Variants in DIP2B observed in about 807,000 individuals in gnomAD.
DIP2B encodes disco-interacting protein 2 homolog B.
DIP2B carries 76 observed loss-of-function variants against 198.0 expected under a neutral mutation model. That is an observed-to-expected ratio of 0.38 (90% CI 0.32 to 0.46). DIP2B has a LOEUF of 0.46. DIP2B is among the 20% of genes least tolerant of loss of function. The pLI, the probability that DIP2B is intolerant of heterozygous loss-of-function variation, is 0.99. For missense variants in DIP2B, 1,559 were observed against 1,978.4 expected, an observed-to-expected ratio of 0.79 and a Z score of 4.02; for synonymous variants, 701 against 739.1, an observed-to-expected ratio of 0.95 and a Z score of 0.84.
At position 50,737,071 on chromosome 12, in the gene DIP2B, TGA is replaced by T; in HGVS notation, c.4140_4141del (p.Glu1380AspfsTer29). 2 of 1,614,148 alleles carry T rather than the reference TGA, an allele frequency of 1.2e-6. No homozygotes were observed. Among genetic ancestry groups the T allele is most frequent in the Non-Finnish European group, 1.7e-6 (2 of 1,180,000 alleles). On this transcript the variant is annotated frameshift_variant, in exon 35 of 38. Transcript: ENST00000301180. LOFTEE classifies it high-confidence loss of function. The part of the protein sequence containing the change: ...PGVKVVIVNP[E>X]TKGPVGDSHL... ...GAGTGAAAGTGGTTATTGTTAATCC[TGA>T]GACCAAAGGGCCGGTTGGAGACTCT... is the stretch of plus-strand genomic sequence containing the variant.
intron 1 of DIP2B, among the ~76,000 whole-genome samples, chr12:50,572,791 T>G (rs1186223782): frequency 6.6e-6 from 1 of 152,210 alleles, no homozygotes; most frequent in Non-Finnish European, 1.5e-5. Context: ...AACATTTTGG[T>G]GTCTCAGTGC....
intron 5 of DIP2B, among the ~76,000 whole-genome samples, chr12:50,671,993 T>G (rs1056174139): frequency 6.6e-5 from 10 of 152,182 alleles, no homozygotes; most frequent in African/African-American, 1.9e-4. Context: ...GTGTGTGTGT[T>G]TTTTTAAAGA....
intron 10 of DIP2B, among the ~76,000 whole-genome samples, chr12:50,685,118 C>G (rs1165539135): frequency 2.6e-5 from 4 of 152,028 alleles, no homozygotes; most frequent in African/African-American, 9.7e-5. Flanking sequence ...AAAAGCATTT[C>G]TGAAAGGAAT....
intron 3 of DIP2B, among the ~76,000 whole-genome samples, chr12:50,646,965 A>G (rs1001696324): frequency 1.3e-5 from 2 of 148,874 alleles, no homozygotes; most frequent in African/African-American, 2.5e-5. Flanking sequence ...TAGACTTCCT[A>G]TATTTTGAGA....
intron 1 of DIP2B, among the ~76,000 whole-genome samples, chr12:50,531,946 T>TA (rs1298806209): frequency 6.6e-6 from 1 of 152,172 alleles, no homozygotes; most frequent in African/African-American, 2.4e-5. Flanking sequence ...TTGAGTGTGT[T>TA]CATTTGTTGG....
chr12:50,691,369 A>G (rs928335209), intron 13 of DIP2B, among the ~76,000 whole-genome samples: 1 of 152,198 alleles, frequency 6.6e-6, no homozygotes, highest in African/African-American at 2.4e-5. Flanking sequence ...CATAATTTCT[A>G]GAGTACAGCA....
chr12:50,718,568 C>T (rs1229232218), intron 23 of DIP2B, 141 bp from the exon 24 acceptor site: 36 of 690,136 alleles, frequency 5.2e-5, no homozygotes, highest in Admixed American at 8.1e-5. Context: ...CTATTTGCTC[C>T]TGGGTTCCCA....
intron 27 of DIP2B, 62 bp from the exon 28 acceptor site, chr12:50,724,713 G>A: frequency 2.1e-6 from 3 of 1,461,768 alleles, no homozygotes; most frequent in South Asian, 1.1e-5. Context: ...AGCAGCCAGG[G>A]CCTGTGGTGC....
chr12:50,574,547 T>C (rs35173156), intron 1 of DIP2B, among the ~76,000 whole-genome samples: 18,078 of 149,480 alleles, frequency 0.12, 1,442 homozygotes, highest in Non-Finnish European at 0.18. Context: ...CTTATGCGTA[T>C]GAGGAAGAAG....
chr12:50,608,137 G>C (rs1338679075), intron 1 of DIP2B, among the ~76,000 whole-genome samples: 1 of 152,096 alleles, frequency 6.6e-6, no homozygotes, highest in Non-Finnish European at 1.5e-5. Flanking sequence ...TCAACAATTA[G>C]CAAATTAGTA....
chr12:50,575,231 A>G (rs1958648631), intron 1 of DIP2B, among the ~76,000 whole-genome samples: 1 of 152,072 alleles, frequency 6.6e-6, no homozygotes, highest in African/African-American at 2.4e-5. Flanking sequence ...TAGCAGTTCC[A>G]TCTGGGCTGT....
At chr12:50,583,504 T>C (rs1418562269) in intron 1 of DIP2B, among the ~76,000 whole-genome samples, 1 of 152,164 alleles carries the variant, frequency 6.6e-6, no homozygotes, top group Non-Finnish European at 1.5e-5. Context: ...TCCCGGAGCA[T>C]CCCTATTGAT....
At chr12:50,528,843 G>C (rs1026664761) in intron 1 of DIP2B, among the ~76,000 whole-genome samples, 1 of 152,132 alleles carries the variant, frequency 6.6e-6, no homozygotes, top group Admixed American at 6.6e-5. Context: ...AAGAGAGAAT[G>C]ATCAAATATT....
At chr12:50,646,840 A>C (rs1015601517) in intron 3 of DIP2B, among the ~76,000 whole-genome samples, 4 of 152,114 alleles carry the variant, frequency 2.6e-5, no homozygotes, top group Non-Finnish European at 5.9e-5. Flanking sequence ...TGTCTGTCCA[A>C]ATCTAATCTC....
intron 1 of DIP2B, among the ~76,000 whole-genome samples, chr12:50,603,163 C>CAA (rs749993395): frequency 5.6e-5 from 7 of 124,490 alleles, no homozygotes; most frequent in Admixed American, 1.6e-4. Flanking sequence ...GACTCTGTCT[C>CAA]AAAAAAAAAA....
At chr12:50,530,633 G>A (rs958724828) in intron 1 of DIP2B, among the ~76,000 whole-genome samples, 4 of 152,188 alleles carry the variant, frequency 2.6e-5, no homozygotes, top group Non-Finnish European at 5.9e-5. Flanking sequence ...CTACTGAAAT[G>A]AGCTGTCTCT....
chr12:50,614,054 C>A (rs1188910968), intron 1 of DIP2B, among the ~76,000 whole-genome samples: 1 of 152,198 alleles, frequency 6.6e-6, no homozygotes, highest in African/African-American at 2.4e-5. Flanking sequence ...TACCCCATAT[C>A]TCTTTCCCTT....
chr12:50,520,619 AC>A (rs761297262), intron 1 of DIP2B, among the ~76,000 whole-genome samples: 4 of 152,200 alleles, frequency 2.6e-5, no homozygotes, highest in Non-Finnish European at 4.4e-5. Flanking sequence ...TGTTAAAAAA[AC>A]AACTTCTCCA....
At chr12:50,634,841 A>G (rs889175701) in intron 2 of DIP2B, among the ~76,000 whole-genome samples, 4 of 152,232 alleles carry the variant, frequency 2.6e-5, no homozygotes, top group Non-Finnish European at 1.5e-5. Context: ...ACTAAAAAGA[A>G]AGAGCATTTA....
Sources: allele counts gnomAD v4.1 joint callset (sites outside exome capture counted in the v4.1 genomes callset), GRCh38; gene constraint gnomAD v4.1.1; transcripts MANE v1.5; gene names NCBI Gene and HGNC (gene_info 2026-07-23, HGNC 2026-07-21).